The following CSTPP1 variants were observed in gnomAD, a reference collection of about 807,000 sequenced individuals.
The protein encoded by CSTPP1 is UPF0705 protein C11orf49.
chr11:47,161,636 T>C, the CSTPP1 span: 13 of 1,611,154 alleles, frequency 8.1e-6, no homozygotes, highest in South Asian at 1.1e-5. Context: ...GTCGGAGACT[T>C]GAGGAGTCCA....
the CSTPP1 span, among the ~76,000 whole-genome samples, chr11:46,942,247 C>T: frequency 6.6e-6 from 1 of 152,178 alleles, no homozygotes; most frequent in Non-Finnish European, 1.5e-5. Flanking sequence ...TAAGTATAGA[C>T]CCTCTCTGTA....
chr11:46,960,680 G>A, the CSTPP1 span, among the ~76,000 whole-genome samples: 3 of 151,964 alleles, frequency 2.0e-5, no homozygotes, highest in African/African-American at 4.8e-5. Context: ...GTGAAACCCC[G>A]TCTCTACTAA....
At chr11:46,995,773 T>G in the CSTPP1 span, among the ~76,000 whole-genome samples, 2 of 152,196 alleles carry the variant, frequency 1.3e-5, no homozygotes, top group African/African-American at 4.8e-5. Flanking sequence ...GGTGGAGAGT[T>G]CTGTAGATGT....
the CSTPP1 span, among the ~76,000 whole-genome samples, chr11:47,032,817 G>A: frequency 6.6e-6 from 1 of 152,062 alleles, no homozygotes; most frequent in Non-Finnish European, 1.5e-5. Context: ...GAGGGTTACA[G>A]GTGCCGACCT....
chr11:46,941,278 C>T, the CSTPP1 span, among the ~76,000 whole-genome samples: 1 of 152,182 alleles, frequency 6.6e-6, no homozygotes, highest in African/African-American at 2.4e-5. Flanking sequence ...TGAGAACTAT[C>T]CCTGCCTTTT....
chr11:47,079,259 G>T, the CSTPP1 span, among the ~76,000 whole-genome samples: 1 of 152,174 alleles, frequency 6.6e-6, no homozygotes, highest in Non-Finnish European at 1.5e-5. Context: ...CAAATCTGAG[G>T]GTGAGAGCGT....
the CSTPP1 span, among the ~76,000 whole-genome samples, chr11:46,974,899 CACACAA>C: frequency 2.4e-5 from 3 of 125,176 alleles, no homozygotes; most frequent in Non-Finnish European, 5.4e-5. Flanking sequence ...CACACACACA[CACACAA>C]TACTCCAATT....
the CSTPP1 span, among the ~76,000 whole-genome samples, chr11:47,045,380 T>C: frequency 0.021 from 3,246 of 152,356 alleles, 52 homozygotes; most frequent in Non-Finnish European, 0.033. Context: ...AGCAACCTCA[T>C]TTGTGGGGCA....
the CSTPP1 span, among the ~76,000 whole-genome samples, chr11:47,118,415 A>ATTATTCTCCTTT: frequency 6.6e-6 from 1 of 152,086 alleles, no homozygotes; most frequent in Non-Finnish European, 1.5e-5. Flanking sequence ...TAGCTCGGAG[A>ATTATTCTCCTTT]AGTTTGTTAT....
the CSTPP1 span, among the ~76,000 whole-genome samples, chr11:46,968,031 T>C: frequency 6.6e-6 from 1 of 151,688 alleles, no homozygotes; most frequent in Non-Finnish European, 1.5e-5. Flanking sequence ...ATTGGTTGTT[T>C]TGAAGTTACT....
chr11:47,150,501 T>G, the CSTPP1 span, among the ~76,000 whole-genome samples: 12 of 151,932 alleles, frequency 7.9e-5, no homozygotes, highest in Admixed American at 7.9e-4. Context: ...AAGACAACAG[T>G]GTGAGGAGGT....
chr11:47,115,261 A>T, the CSTPP1 span, among the ~76,000 whole-genome samples: 2 of 152,120 alleles, frequency 1.3e-5, no homozygotes, highest in African/African-American at 2.4e-5. Flanking sequence ...TTTGCATTGA[A>T]GTTCATCAGG....
chr11:47,121,179 CCTCT>C, the CSTPP1 span, among the ~76,000 whole-genome samples: 2 of 152,122 alleles, frequency 1.3e-5, no homozygotes, highest in African/African-American at 4.8e-5. Flanking sequence ...TATTTTTCTG[CCTCT>C]CTGTTAGGTC....
chr11:47,153,884 C>A, the CSTPP1 span, among the ~76,000 whole-genome samples: 1 of 152,116 alleles, frequency 6.6e-6, no homozygotes, highest in Non-Finnish European at 1.5e-5. Flanking sequence ...GTCTGGGAAA[C>A]CTCTGACTCA....
the CSTPP1 span, among the ~76,000 whole-genome samples, chr11:47,084,982 T>G: frequency 6.6e-6 from 1 of 151,912 alleles, no homozygotes; most frequent in Non-Finnish European, 1.5e-5. Flanking sequence ...GTCAGGAGTT[T>G]GAGACCAGCC....
At chr11:47,070,468 G>A in the CSTPP1 span, among the ~76,000 whole-genome samples, 1 of 152,106 alleles carries the variant, frequency 6.6e-6, no homozygotes, top group Non-Finnish European at 1.5e-5. Flanking sequence ...CACCTCAAAC[G>A]TACTCGACCA....
At chr11:47,046,282 G>GAAAAAAAAAAAAAAAAAAAAAAA in the CSTPP1 span, among the ~76,000 whole-genome samples, 2 of 55,900 alleles carry the variant, frequency 3.6e-5, no homozygotes, top group South Asian at 6.0e-4. Context: ...TCCACCAAAA[G>GAAAAAAAAAAAAAAAAAAAAAAA]AAAAAAAAAA....
chr11:47,037,206 T>TATATCAACAGGA, the CSTPP1 span, among the ~76,000 whole-genome samples: 2 of 124,268 alleles, frequency 1.6e-5, no homozygotes, highest in African/African-American at 5.0e-5. Flanking sequence ...TAGTAAAGGA[T>TATATCAACAGGA]TATAACCTAT....
At chr11:47,100,096 C>A in the CSTPP1 span, among the ~76,000 whole-genome samples, 1 of 152,178 alleles carries the variant, frequency 6.6e-6, no homozygotes, top group Non-Finnish European at 1.5e-5. Context: ...TTAAATGCCT[C>A]TTCTATAACA....
Sources: allele counts gnomAD v4.1 joint callset (sites outside exome capture counted in the v4.1 genomes callset), GRCh38; gene constraint gnomAD v4.1.1; transcripts MANE v1.5; gene names NCBI Gene and HGNC (gene_info 2026-07-23, HGNC 2026-07-21).